The following LRPPRC variants were observed in gnomAD, a reference collection of about 807,000 sequenced individuals.
LRPPRC encodes leucine-rich PPR motif-containing protein, mitochondrial.
A neutral mutation model predicts 180.3 loss-of-function variants in LRPPRC; 120 were observed. The observed-to-expected ratio is 0.67, with a 90% confidence interval of 0.57 to 0.77. The LOEUF (loss-of-function observed/expected upper bound fraction) is 0.77, where lower values mean the gene tolerates loss of function less well. Ranked by LOEUF, LRPPRC falls within the 30% of genes least tolerant of loss-of-function variation. The pLI is 0.00. For missense variants in LRPPRC, 2,012 were observed against 1,657.2 expected, an observed-to-expected ratio of 1.21 and a Z score of -3.72; for synonymous variants, 723 against 600.0, an observed-to-expected ratio of 1.21 and a Z score of -3.00.
chr2:43,982,405 G>T lies in LRPPRC; in HGVS notation c.179C>A (p.Ala60Asp). Reference protein sequence around the residue: ...GGLLSPARLYAIAAKEKDIQE... With the variant: ...GGLLSPARLYDIAAKEKDIQE... ...AATATCTTTTTCTTTGGCAGCAATG[G>T]CATACAGCCTGGCTGGGCTCAGTAG... Residue 60 changes from alanine (A) to aspartate (D), a missense_variant, in exon 2 of 38, where the codon GCC (alanine) becomes GAC (aspartate). By Grantham distance (126) the Ala-to-Asp change is moderately radical. Transcript: ENST00000260665. 6.2e-7 allele frequency: 1 copy of T among 1,613,756 alleles called. No individual in the cohort carries two copies. Among genetic ancestry groups the T allele is most frequent in the Non-Finnish European group, 8.5e-7 (1 of 1,179,726 alleles).
At chr2:43,920,969 C>T (rs1671678988) in intron 27 of LRPPRC, among the ~76,000 whole-genome samples, 1 of 152,078 alleles carries the variant, frequency 6.6e-6, no homozygotes, top group Admixed American at 6.6e-5. Context: ...TTTGGGAAGA[C>T]AAGGATATTA....
chr2:43,989,352 T>C (rs1674670270), intron 1 of LRPPRC, among the ~76,000 whole-genome samples: 1 of 152,160 alleles, frequency 6.6e-6, no homozygotes, highest in East Asian at 1.9e-4. Context: ...ACCAATCCAC[T>C]CCTTTCCACC....
In LRPPRC at chr2:43,995,829, A is replaced by G; in HGVS notation, c.119T>C (p.Leu40Pro). ...CACGGGCCCGGCGCGAGCGGCGGGC[A>G]GATAGGAGGCGGCATGCAGCCGGCC... ...GPGRLHAASY[L>P]PAARAGPVAG... is the part of the protein sequence containing the mutation. Residue 40 changes from leucine to proline, a missense_variant, in exon 1 of 38, where the codon CTG becomes CCG. By Grantham distance (98) the Leu-to-Pro change is moderately conservative. Coordinates refer to ENST00000260665, the MANE Select transcript of LRPPRC (RefSeq NM_133259.4). The G allele has an allele frequency of 7.0e-7, 1 of 1,426,358 alleles. No homozygotes were observed. The highest frequency in any genetic ancestry group is 9.1e-7 in the Non-Finnish European group (1 of 1,101,282). The allele number at this position is 1,426,358 out of a possible 1,614,324, so 88.4% of individuals were successfully genotyped here.
intron 31 of LRPPRC, among the ~76,000 whole-genome samples, chr2:43,904,881 C>T (rs1028834060): frequency 6.6e-6 from 1 of 152,138 alleles, no homozygotes. Context: ...TGCAGTATCA[C>T]TGTATTCACT....
At chr2:43,957,867 G>C (rs1025320018) in intron 13 of LRPPRC, among the ~76,000 whole-genome samples, 1 of 152,088 alleles carries the variant, frequency 6.6e-6, no homozygotes, top group East Asian at 1.9e-4. Flanking sequence ...TTCTTTTCTC[G>C]GAGAGGTGTT....
At chr2:43,909,729 T>A (rs1435459074) in intron 30 of LRPPRC, among the ~76,000 whole-genome samples, 1 of 152,038 alleles carries the variant, frequency 6.6e-6, no homozygotes, top group Non-Finnish European at 1.5e-5. Flanking sequence ...GGGTGTATAC[T>A]TATCCCCAAA....
At chr2:43,990,654 T>A (rs1037996049) in intron 1 of LRPPRC, among the ~76,000 whole-genome samples, 2 of 152,172 alleles carry the variant, frequency 1.3e-5, no homozygotes, top group African/African-American at 4.8e-5. Context: ...AAACTCAATG[T>A]CCCCCTGCCA....
At chr2:43,991,252 A>C (rs1356716353) in intron 1 of LRPPRC, among the ~76,000 whole-genome samples, 1 of 151,960 alleles carries the variant, frequency 6.6e-6, no homozygotes, top group Non-Finnish European at 1.5e-5. Context: ...GGCTGGTCTC[A>C]AACTCCTGAC....
At chr2:43,889,563 G>C (rs972086270) in intron 37 of LRPPRC, among the ~76,000 whole-genome samples, 171 bp downstream of exon 37, 2 of 151,942 alleles carry the variant, frequency 1.3e-5, no homozygotes, top group Non-Finnish European at 2.9e-5. Flanking sequence ...TATGTTCTCC[G>C]ACTGCCGCAG....
chr2:43,895,820 G>A (rs539513313), intron 35 of LRPPRC, among the ~76,000 whole-genome samples: 9 of 152,100 alleles, frequency 5.9e-5, no homozygotes, highest in South Asian at 2.1e-4. Context: ...GTAGTTTCTC[G>A]TATACAAGAG....
intron 13 of LRPPRC, 71 bp downstream of exon 13, chr2:43,960,470 C>T (rs375156913): frequency 4.8e-5 from 41 of 863,116 alleles, no homozygotes; most frequent in East Asian, 3.9e-4. Context: ...ATTGCGTGAA[C>T]CACCCTGCAT....
intron 36 of LRPPRC, among the ~76,000 whole-genome samples, chr2:43,893,375 C>T (rs931049687): frequency 5.9e-5 from 9 of 152,278 alleles, no homozygotes; most frequent in Non-Finnish European, 1.2e-4. Flanking sequence ...AGAACTCTTT[C>T]GTGAAAGGAA....
chr2:43,984,413 T>C (rs1437011342), intron 1 of LRPPRC, among the ~76,000 whole-genome samples: 3 of 152,188 alleles, frequency 2.0e-5, no homozygotes, highest in Non-Finnish European at 2.9e-5. Context: ...AGAAAACATG[T>C]TTATAAACTA....
chr2:43,967,788 C>T (rs1308558663), intron 11 of LRPPRC, among the ~76,000 whole-genome samples: 1 of 152,164 alleles, frequency 6.6e-6, no homozygotes, highest in East Asian at 1.9e-4. Context: ...CCACACTGCA[C>T]ACAGAAGCCT....
At chr2:43,955,930 T>C (rs1188562478) in intron 14 of LRPPRC, among the ~76,000 whole-genome samples, 3 of 152,132 alleles carry the variant, frequency 2.0e-5, no homozygotes, top group African/African-American at 7.2e-5. Flanking sequence ...CGAATCACCA[T>C]CTTAACCAAG....
In LRPPRC at chr2:43,925,942, C is replaced by G. The variant is rs762844474; in HGVS notation, c.2756G>C (p.Arg919Pro). The G allele has an allele frequency of 5.0e-6, 8 of 1,610,316 alleles. No homozygotes were observed. The Middle Eastern group carries it at 4.9e-4, about 100-fold the overall frequency. ...ACAAAACCACTGAAGCCTTGCAGAT[C>G]GAGCTCTAATCCCTGGAGTCTGTAA... ...KIIETPGIRA[R>P]SARLQWFCDR... The change falls in exon 26 of 38, where the codon CGA (arginine) becomes CCA (proline). Residue 919 changes from arginine (R) to proline (P), a missense_variant. Arg to Pro is a moderately radical substitution (Grantham distance 103). Coordinates refer to ENST00000260665, the MANE Select transcript of LRPPRC (RefSeq NM_133259.4).
At chr2:43,928,146 C>T (rs1671955548) in intron 25 of LRPPRC, among the ~76,000 whole-genome samples, 1 of 152,128 alleles carries the variant, frequency 6.6e-6, no homozygotes, top group Non-Finnish European at 1.5e-5. Context: ...TGTTTGTTTC[C>T]ACCTGAGCTA....
chr2:43,939,686 G>A (rs914326178), intron 23 of LRPPRC, among the ~76,000 whole-genome samples: 3 of 152,242 alleles, frequency 2.0e-5, no homozygotes, highest in South Asian at 4.1e-4. Context: ...CTATAAATGA[G>A]GAATCTTCAA....
chr2:43,915,521 T>C (rs1026879200), intron 29 of LRPPRC, among the ~76,000 whole-genome samples: 1 of 151,670 alleles, frequency 6.6e-6, no homozygotes, highest in Non-Finnish European at 1.5e-5. Flanking sequence ...CTGTCTCTAC[T>C]AAAAATACAA....
Sources: gnomAD v4.1 joint callset for allele counts (sites outside exome capture counted in the v4.1 genomes callset) on GRCh38, gnomAD v4.1.1 for gene constraint, MANE v1.5 for transcripts, NCBI Gene and HGNC (gene_info 2026-07-23, HGNC 2026-07-21) for gene names.